SDCCAG8: variants seen among roughly 807,000 people sequenced by gnomAD.
SDCCAG8 encodes SHH signaling and ciliogenesis regulator SDCCAG8.
A neutral mutation model predicts 101.8 loss-of-function variants in SDCCAG8; 74 were observed. The observed-to-expected ratio is 0.73, with a 90% CI of 0.60 to 0.88. SDCCAG8 has a LOEUF of 0.88. Ranked by LOEUF, SDCCAG8 falls within the 40% of genes least tolerant of loss-of-function variation. The probability of loss-of-function intolerance (pLI) is 0.00; values close to 1 mark genes in which losing one functional copy is unlikely to be tolerated. For synonymous variants in SDCCAG8, 281 were observed against 292.9 expected (o/e 0.96, Z 0.41); for missense variants, 787 against 822.6 (o/e 0.96, Z 0.53).
At chr1:243,470,979 GT>G (rs1558513208) in intron 16 of SDCCAG8, among the ~76,000 whole-genome samples, 1 of 152,112 alleles carries the variant, frequency 6.6e-6, no homozygotes, top group African/African-American at 2.4e-5. Context: ...AGTTGTTGTT[GT>G]TAGAGTGCAT....
chr1:243,439,029 T>C (rs1335681691), intron 16 of SDCCAG8, among the ~76,000 whole-genome samples: 1 of 152,218 alleles, frequency 6.6e-6, no homozygotes. Flanking sequence ...TAAATATGAA[T>C]GTTTATTTTG....
intron 4 of SDCCAG8, among the ~76,000 whole-genome samples, chr1:243,279,971 T>C (rs556127070): frequency 2.6e-5 from 4 of 152,336 alleles, no homozygotes; most frequent in African/African-American, 9.6e-5. Flanking sequence ...TTATAGATAA[T>C]TGGTATAATT....
At chr1:243,410,456 A>G (rs1004312865) in intron 13 of SDCCAG8, among the ~76,000 whole-genome samples, 2 of 152,174 alleles carry the variant, frequency 1.3e-5, no homozygotes, top group African/African-American at 4.8e-5. Context: ...GTTTTTTCAT[A>G]CCAATATGCT....
intron 6 of SDCCAG8, among the ~76,000 whole-genome samples, chr1:243,294,951 CATT>C (rs1245453308): frequency 6.6e-6 from 1 of 152,108 alleles, no homozygotes; most frequent in Non-Finnish European, 1.5e-5. Context: ...TTCAGGTTCT[CATT>C]ATTATCCACA....
At chr1:243,402,516 CATT>C (rs1407859173) in intron 13 of SDCCAG8, among the ~76,000 whole-genome samples, 4 of 151,762 alleles carry the variant, frequency 2.6e-5, no homozygotes, top group Admixed American at 6.6e-5. Flanking sequence ...TTATATAACA[CATT>C]ATTAATGACG....
chr1:243,312,705 C>G (rs2072857134), intron 8 of SDCCAG8, among the ~76,000 whole-genome samples: 1 of 103,740 alleles, frequency 9.6e-6, no homozygotes. Flanking sequence ...GAACCTGTCT[C>G]CAAAAAAAAA....
In SDCCAG8 at chr1:243,416,591, G is replaced by A. The variant is rs555953506; in HGVS notation, c.1744+762G>A. Among the ~76,000 whole-genome samples the A allele has an allele frequency of 2.6e-5, 4 of 152,252 alleles. No individual in the cohort carries two copies. The highest frequency in any genetic ancestry group is 9.6e-5 in the African/African-American group (4 of 41,540). ...AAAATTGCCATCTTTCATCACATTG[G>A]CACTATTCTGCAGACTGAGTTGGCC... On this transcript the variant is annotated intron_variant, in intron 14 of 17. Transcript: ENST00000366541. This position sits in a 1 kb window ranked among gnomAD's most constrained non-coding sequence, Gnocchi z 4.3.
intron 13 of SDCCAG8, among the ~76,000 whole-genome samples, chr1:243,398,564 A>C (rs1192975738): frequency 6.6e-6 from 1 of 152,172 alleles, no homozygotes; most frequent in Non-Finnish European, 1.5e-5. Flanking sequence ...AATCGATTGG[A>C]GTATCCTTGC....
chr1:243,477,037 G>C (rs867308323), intron 16 of SDCCAG8, among the ~76,000 whole-genome samples: 308 of 148,838 alleles, frequency 2.1e-3, no homozygotes, highest in Middle Eastern at 6.9e-3. Flanking sequence ...CACACACAGA[G>C]AGAAAGGCAG....
Position 243,308,033 on chromosome 1 carries a change from A to G in SDCCAG8, c.785A>G (p.Glu262Gly). 1 of 1,614,134 alleles carries G rather than the reference A, an allele frequency of 6.2e-7. No homozygotes were observed. The highest frequency in any genetic ancestry group is 2.2e-5 in the East Asian group (1 of 44,876). ...EYQRTCEDLK[E>G]QLKHKEFLLA... is the part of the protein sequence containing the mutation. ...CAGAGAACTTGTGAAGATCTTAAAG[A>G]GCAACTAAAGCATAAAGAATTTCTT... Residue 262 changes from glutamate to glycine, a missense_variant, in exon 8 of 18, where the codon GAG becomes GGG. By Grantham distance (98) the Glu-to-Gly change is moderately conservative. Coordinates refer to ENST00000366541, the MANE Select transcript of SDCCAG8 (RefSeq NM_006642.5).
At chr1:243,411,887 A>G (rs1194103357) in intron 13 of SDCCAG8, among the ~76,000 whole-genome samples, 4 of 152,194 alleles carry the variant, frequency 2.6e-5, no homozygotes, top group East Asian at 1.9e-4. Context: ...TTTCAGCCCC[A>G]TAACTACCAA....
chr1:243,339,318 A>G (rs2075245326), intron 10 of SDCCAG8, among the ~76,000 whole-genome samples: 1 of 152,190 alleles, frequency 6.6e-6, no homozygotes, highest in Non-Finnish European at 1.5e-5. Flanking sequence ...ATAAATAAGT[A>G]AAATATGATT....
chr1:243,440,811 T>C (rs2082483221), intron 16 of SDCCAG8, among the ~76,000 whole-genome samples: 3 of 152,198 alleles, frequency 2.0e-5, no homozygotes, highest in Admixed American at 2.0e-4. Flanking sequence ...GCTGAATGTG[T>C]ATATTTAAGG....
intron 17 of SDCCAG8, among the ~76,000 whole-genome samples, chr1:243,495,028 T>C (rs1044913598): frequency 3.9e-5 from 6 of 152,240 alleles, no homozygotes; most frequent in African/African-American, 9.6e-5. Context: ...CTATTTACCA[T>C]GGAAACATGG....
At chr1:243,287,890 G>C (rs75585078) in intron 5 of SDCCAG8, among the ~76,000 whole-genome samples, 120 of 152,296 alleles carry the variant, frequency 7.9e-4, no homozygotes, top group Non-Finnish European at 1.4e-3. Flanking sequence ...AGAGAAATGA[G>C]TAATGCAAAA....
chr1:243,444,948 A>T (rs1461001916), intron 16 of SDCCAG8, among the ~76,000 whole-genome samples: 1 of 152,172 alleles, frequency 6.6e-6, no homozygotes, highest in Admixed American at 6.5e-5. Context: ...TTCTCAAATT[A>T]TAAGGATATC....
At chr1:243,278,675 T>C (rs553614861) in intron 4 of SDCCAG8, among the ~76,000 whole-genome samples, 7 of 152,364 alleles carry the variant, frequency 4.6e-5, no homozygotes, top group African/African-American at 1.7e-4. Flanking sequence ...TTTTTGTTGA[T>C]TCTTTGGGAT....
At chr1:243,367,756 AAT>A (rs951380918) in intron 12 of SDCCAG8, among the ~76,000 whole-genome samples, 9 of 149,140 alleles carry the variant, frequency 6.0e-5, no homozygotes, top group African/African-American at 9.8e-5. Flanking sequence ...ATATTAATAT[AAT>A]ATATATGTAT....
At chr1:243,450,935 AG>A (rs1240401750) in intron 16 of SDCCAG8, among the ~76,000 whole-genome samples, 2 of 152,260 alleles carry the variant, frequency 1.3e-5, no homozygotes, top group Non-Finnish European at 2.9e-5. Flanking sequence ...CTGGGATTAC[AG>A]GCGTTAGGAT....
Sources: gnomAD v4.1 joint callset for allele counts (sites outside exome capture counted in the v4.1 genomes callset) on GRCh38, gnomAD v4.1.1 for gene constraint, Gnocchi (gnomAD v3.1) non-coding constraint, MANE v1.5 for transcripts, NCBI Gene and HGNC (gene_info 2026-07-23, HGNC 2026-07-21) for gene names.